KDM4C: variants seen among roughly 807,000 people sequenced by gnomAD.
The protein encoded by KDM4C is lysine-specific demethylase 4C.
KDM4C carries 81 observed loss-of-function variants against 129.3 expected under a neutral mutation model. The ratio of observed to expected loss-of-function variants is 0.63; its 90% CI spans 0.52 to 0.75. The LOEUF is 0.75. Ranked by LOEUF, KDM4C falls within the 30% of genes least tolerant of loss-of-function variation. The pLI is 0.00. For missense variants in KDM4C, 1,457 were observed against 1,304.0 expected (o/e 1.12, Z -1.81); for synonymous variants, 573 against 456.1 (o/e 1.26, Z -3.26).
At chr9:6,960,986 A>G (rs554721169) in intron 8 of KDM4C, among the ~76,000 whole-genome samples, 1 of 152,324 alleles carries the variant, frequency 6.6e-6, no homozygotes, top group South Asian at 2.1e-4. Flanking sequence ...TATGAGCGAC[A>G]TGGGGTTCAG....
intron 8 of KDM4C, among the ~76,000 whole-genome samples, chr9:6,962,095 A>G (rs1030778082): frequency 6.6e-6 from 1 of 152,222 alleles, no homozygotes; most frequent in African/African-American, 2.4e-5. Flanking sequence ...AGGGGGCTCT[A>G]TTGGCTGTGA....
chr9:6,757,605 C>A, upstream of KDM4C: 1 of 984,270 alleles, frequency 1.0e-6, no homozygotes, highest in Non-Finnish European at 1.2e-6. Flanking sequence ...GGCTCCACCC[C>A]GGTAACGCCA....
chr9:7,042,919 A>G (rs138883491), intron 15 of KDM4C, among the ~76,000 whole-genome samples: 251 of 152,196 alleles, frequency 1.6e-3, no homozygotes, highest in African/African-American at 5.8e-3. Flanking sequence ...TGTTGTTGGC[A>G]TATAGGCACA....
intron 8 of KDM4C, among the ~76,000 whole-genome samples, chr9:6,914,285 C>T (rs951486065): frequency 6.6e-6 from 1 of 152,094 alleles, no homozygotes; most frequent in Admixed American, 6.5e-5. Context: ...TCTTGAACTC[C>T]CGACCTCAGG....
At chr9:6,954,739 G>T (rs1230559470) in intron 8 of KDM4C, among the ~76,000 whole-genome samples, 1 of 152,186 alleles carries the variant, frequency 6.6e-6, no homozygotes, top group Non-Finnish European at 1.5e-5. Context: ...AATGGAGAGT[G>T]AAAGCCAGTA....
At chr9:7,133,112 C>G (rs748016012) in intron 19 of KDM4C, among the ~76,000 whole-genome samples, 1 of 152,124 alleles carries the variant, frequency 6.6e-6, no homozygotes, top group Non-Finnish European at 1.5e-5. Context: ...TTTTCCAGCC[C>G]CAGTTTTTTT....
At chr9:6,836,269 C>T (rs906703208) in intron 4 of KDM4C, among the ~76,000 whole-genome samples, 14 of 152,070 alleles carry the variant, frequency 9.2e-5, no homozygotes, top group Non-Finnish European at 1.9e-4. Flanking sequence ...CTGGCCAACA[C>T]GGTGAAAGCT....
chr9:6,959,243 C>G (rs1829627773), intron 8 of KDM4C, among the ~76,000 whole-genome samples: 1 of 152,202 alleles, frequency 6.6e-6, no homozygotes, highest in Non-Finnish European at 1.5e-5. Flanking sequence ...AATCCCCATG[C>G]TGGTCCCACC....
chr9:7,111,990 A>C (rs1240489735), intron 18 of KDM4C, among the ~76,000 whole-genome samples: 1 of 152,024 alleles, frequency 6.6e-6, no homozygotes, highest in Non-Finnish European at 1.5e-5. Flanking sequence ...AGCAAGACCC[A>C]CAGGTACTCA....
At chr9:6,880,622 A>G (rs548767202) in intron 6 of KDM4C, among the ~76,000 whole-genome samples, 1 of 152,244 alleles carries the variant, frequency 6.6e-6, no homozygotes, top group South Asian at 2.1e-4. Flanking sequence ...GCCTTCTTGG[A>G]CTGGCAAAAT....
In KDM4C at chr9:7,005,655, A is replaced by AC. The variant is rs1287569314; in HGVS notation, c.1787-6041dup. Among the ~76,000 whole-genome samples the AC allele has an allele frequency of 2.0e-5, 3 of 152,124 alleles. No homozygotes were observed. In the East Asian group the frequency reaches 5.8e-4, roughly 29 times the overall value. On this transcript the variant is annotated intron_variant, in intron 12 of 21. Transcript: ENST00000381309. ...CACCAGCCTGACTGAACCCCCACAGACCTTTGCAGAGATTATGTTGGAGGC... is the reference window on the plus strand; with the variant it reads ...CACCAGCCTGACTGAACCCCCACAGACCCTTTGCAGAGATTATGTTGGAGGC...
chr9:7,145,218 T>C (rs1186288937), intron 19 of KDM4C, among the ~76,000 whole-genome samples: 1 of 152,172 alleles, frequency 6.6e-6, no homozygotes, highest in Non-Finnish European at 1.5e-5. Context: ...GCTAACTACG[T>C]GTCTGCGTTT....
chr9:6,734,393 C>T (rs760621301), intron 1 of KDM4C, among the ~76,000 whole-genome samples: 2 of 147,822 alleles, frequency 1.4e-5, no homozygotes, highest in Non-Finnish European at 3.0e-5. Context: ...CTCCCGGGTT[C>T]AAGTGATTCT....
rs191830867 is a variant in KDM4C at position 7,013,638 on chromosome 9, A to T, written c.1969-150A>T. 5.1e-4 allele frequency: 340 copies of T among 669,776 alleles called. 2 individuals are homozygous for T. The highest frequency in any genetic ancestry group is 6.8e-4 in the South Asian group (33 of 48,876). The allele number at this position is 669,776 out of a possible 1,614,324, so 41.5% of individuals were successfully genotyped here. ...GGAGTCTGAGGTGGAATATTGATTT[A>T]AAAAAAACTAGTAGTTTGGTCAAGG... On this transcript the variant is annotated intron_variant, in intron 13 of 21. Transcript: ENST00000381309.
At chr9:7,142,853 C>CTA (rs1564171747) in intron 19 of KDM4C, among the ~76,000 whole-genome samples, 1 of 150,136 alleles carries the variant, frequency 6.7e-6, no homozygotes, top group Non-Finnish European at 1.5e-5. Context: ...CTCATACAGG[C>CTA]TGTGTGTGTG....
chr9:6,885,970 A>G (rs1351076416), intron 6 of KDM4C, among the ~76,000 whole-genome samples: 3 of 152,252 alleles, frequency 2.0e-5, no homozygotes, highest in African/African-American at 7.2e-5. Flanking sequence ...AGAAAATGGA[A>G]TAGACTCTTC....
At chr9:6,743,613 T>C (rs188156778) in intron 1 of KDM4C, among the ~76,000 whole-genome samples, 17 of 152,034 alleles carry the variant, frequency 1.1e-4, no homozygotes, top group African/African-American at 4.1e-4. Context: ...ATTCAAGTGA[T>C]TCTTCTGCCT....
chr9:7,073,404 T>C (rs1833476411), intron 17 of KDM4C, among the ~76,000 whole-genome samples: 1 of 152,252 alleles, frequency 6.6e-6, no homozygotes, highest in South Asian at 2.1e-4. Flanking sequence ...TTTTATATGT[T>C]ATATAGATAA....
chr9:6,760,515 G>C (rs1819216860), intron 1 of KDM4C, among the ~76,000 whole-genome samples: 1 of 149,406 alleles, frequency 6.7e-6, no homozygotes, highest in African/African-American at 2.5e-5. Context: ...GCGTAAGGAG[G>C]GATAGTTAGT....
Sources: gnomAD v4.1 joint callset for allele counts (sites outside exome capture counted in the v4.1 genomes callset) on GRCh38, gnomAD v4.1.1 for gene constraint, MANE v1.5 for transcripts, NCBI Gene and HGNC (gene_info 2026-07-23, HGNC 2026-07-21) for gene names.